Variants in PHLPP1 observed in about 807,000 individuals in gnomAD.
PHLPP1 encodes PH domain leucine-rich repeat-containing protein phosphatase 1.
In PHLPP1, 42 loss-of-function variants were observed where a neutral mutation model predicts 117.2. The ratio of observed to expected loss-of-function variants is 0.36; its 90% CI spans 0.28 to 0.46. The LOEUF (loss-of-function observed/expected upper bound fraction) is 0.46, where lower values mean the gene tolerates loss of function less well. PHLPP1 is among the 20% of genes least tolerant of loss of function. The pLI is 1.00. For synonymous variants in PHLPP1, 1,042 were observed against 970.7 expected, an observed-to-expected ratio of 1.07 and a Z score of -1.37; for missense variants, 2,084 against 2,241.9, an observed-to-expected ratio of 0.93 and a Z score of 1.42.
intron 1 of PHLPP1, among the ~76,000 whole-genome samples, chr18:62,803,518 T>C (rs937069040): frequency 6.6e-6 from 1 of 152,244 alleles, no homozygotes; most frequent in Non-Finnish European, 1.5e-5. Context: ...TCAGCCATCA[T>C]TTTGCATGTA....
At chr18:62,743,304 T>A (rs1470291642) in intron 1 of PHLPP1, among the ~76,000 whole-genome samples, 1 of 152,024 alleles carries the variant, frequency 6.6e-6, no homozygotes, top group Non-Finnish European at 1.5e-5. Flanking sequence ...TTTTTTTTTT[T>A]AGAATTTTTT....
At chr18:62,914,521 C>T (rs187716977) in intron 8 of PHLPP1, among the ~76,000 whole-genome samples, 24 of 152,278 alleles carry the variant, frequency 1.6e-4, no homozygotes, top group Admixed American at 6.5e-4. Context: ...TTGTAAACCT[C>T]GAACTCCTCT....
chr18:62,925,991 A>T (rs1448244809), intron 10 of PHLPP1, among the ~76,000 whole-genome samples: 1 of 152,218 alleles, frequency 6.6e-6, no homozygotes. Context: ...TAAAAGAAGG[A>T]TTTTAATGGA....
rs563439637 is a variant in PHLPP1, at chr18:62,895,672, A to C, written c.2214-109A>C. On this transcript the variant is annotated intron_variant, in intron 5 of 16. Coordinates refer to ENST00000262719, the MANE Select transcript of PHLPP1 (RefSeq NM_194449.4). The stretch of plus-strand genomic sequence containing the variant: ...CCCTGCCCTTAGGCATTTTGCGAAG[A>C]ATAATACATTTTCTGGTAATACGGT... The C allele has an allele frequency of 2.9e-5, 21 of 730,512 alleles. 1 individual carries two copies. The highest frequency in any genetic ancestry group is 3.5e-4 in the Middle Eastern group (1 of 2,830). 45.3% of individuals were successfully genotyped at this position (730,512 alleles called of 1,614,324 possible).
intron 3 of PHLPP1, among the ~76,000 whole-genome samples, chr18:62,845,588 T>A (rs964413323): frequency 6.6e-6 from 1 of 152,130 alleles, no homozygotes; most frequent in Admixed American, 6.5e-5. Flanking sequence ...AAGATTGAGG[T>A]TTCCAACATA....
chr18:62,766,076 A>AAAAAAAAAAAATATATATATATATAT, intron 1 of PHLPP1, among the ~76,000 whole-genome samples: 1 of 21,648 alleles, frequency 4.6e-5, no homozygotes, highest in African/African-American at 1.5e-4. Flanking sequence ...AAAAAAAAAA[A>AAAAAAAAAAAATATATATATATATAT]ATATATATAT....
At position 62,940,354 on chromosome 18, in the gene PHLPP1, C is replaced by CTTTTTTTTTTTTTT. The variant is rs66530466; in HGVS notation, c.2961-1349_2961-1336dup. On this transcript the variant is annotated intron_variant, in intron 10 of 16. Transcript: ENST00000262719. ...ATCCACGTTTCTTTTTCTTTCTTTT[C>CTTTTTTTTTTTTTT]TTTTTTTTTTTTTTTTTTTTTTTTT... Among the ~76,000 whole-genome samples the CTTTTTTTTTTTTTT allele has an allele frequency of 2.6e-3, 124 of 46,834 alleles. 7 individuals are homozygous for CTTTTTTTTTTTTTT. The highest frequency in any genetic ancestry group is 0.022 in the Middle Eastern group (1 of 46). The allele number at this position is 46,834 out of a possible 152,430, so 30.7% of individuals were successfully genotyped here. A position where few individuals can be genotyped will look rare whatever the true frequency, so the allele number is the denominator to read the frequency against.
intron 13 of PHLPP1, among the ~76,000 whole-genome samples, chr18:62,962,829 A>G (rs2144481332): frequency 6.7e-6 from 1 of 150,172 alleles, no homozygotes; most frequent in East Asian, 2.0e-4. Flanking sequence ...ATACTTGGCT[A>G]TACCCGTGAG....
intron 4 of PHLPP1, among the ~76,000 whole-genome samples, chr18:62,888,430 G>A (rs1345795393): frequency 6.6e-6 from 1 of 151,760 alleles, no homozygotes; most frequent in East Asian, 1.9e-4. Context: ...GCCAAGCGTG[G>A]TCACTCACAC....
At chr18:62,967,128 C>T (rs912377034) in intron 14 of PHLPP1, among the ~76,000 whole-genome samples, 2 of 152,222 alleles carry the variant, frequency 1.3e-5, no homozygotes, top group Middle Eastern at 3.4e-3. Flanking sequence ...TTTTGTTTTA[C>T]CCGTTCACCA....
At chr18:62,725,630 T>TA (rs940401679) in intron 1 of PHLPP1, among the ~76,000 whole-genome samples, 6 of 151,828 alleles carry the variant, frequency 4.0e-5, no homozygotes, top group African/African-American at 1.5e-4. Context: ...TTCTGTCTCT[T>TA]AAAAAAAGAG....
chr18:62,935,316 A>G (rs1286612685), intron 10 of PHLPP1, among the ~76,000 whole-genome samples: 1 of 152,248 alleles, frequency 6.6e-6, no homozygotes, highest in East Asian at 1.9e-4. Context: ...AAGAATAAAT[A>G]AGAAATGTGC....
intron 4 of PHLPP1, among the ~76,000 whole-genome samples, chr18:62,872,020 TG>T (rs768380631): frequency 6.6e-6 from 1 of 152,154 alleles, no homozygotes; most frequent in Non-Finnish European, 1.5e-5. Flanking sequence ...ACCTAGAGTT[TG>T]TAAATATAGA....
chr18:62,973,426 A>G (rs893311727), intron 15 of PHLPP1, among the ~76,000 whole-genome samples: 3 of 152,184 alleles, frequency 2.0e-5, no homozygotes, highest in African/African-American at 7.2e-5. Flanking sequence ...GTCTATAAGT[A>G]TTGTGCTGCA....
chr18:62,836,741 TAA>T (rs547024910), intron 2 of PHLPP1, among the ~76,000 whole-genome samples: 17 of 139,230 alleles, frequency 1.2e-4, no homozygotes, highest in Middle Eastern at 3.6e-3. Flanking sequence ...TTTGAGACAT[TAA>T]AAAAAAAAAA....
chr18:62,944,991 CTT>C (rs1204981960), intron 11 of PHLPP1, 116 bp from the exon 12 acceptor site: 1 of 740,660 alleles, frequency 1.4e-6, no homozygotes, highest in African/African-American at 1.8e-5. Context: ...AAAAAATGGT[CTT>C]GTTTGTAAAA....
chr18:62,736,317 A>T (rs1377744887), intron 1 of PHLPP1, among the ~76,000 whole-genome samples: 1 of 152,300 alleles, frequency 6.6e-6, no homozygotes, highest in African/African-American at 2.4e-5. Flanking sequence ...TTTCATCTGC[A>T]TGGTGGGAGT....
intron 9 of PHLPP1, among the ~76,000 whole-genome samples, 195 bp from the exon 10 acceptor site, chr18:62,919,764 A>G (rs190972507): frequency 1.1e-4 from 17 of 152,332 alleles, no homozygotes; most frequent in Admixed American, 3.9e-4. Context: ...TCTTTGCTCA[A>G]TATTTGTTTA....
intron 1 of PHLPP1, among the ~76,000 whole-genome samples, chr18:62,775,618 A>T (rs1476743586): frequency 6.6e-6 from 1 of 152,212 alleles, no homozygotes; most frequent in Non-Finnish European, 1.5e-5. Context: ...CCACTTCAGC[A>T]CGTATTCTTC....
Sources: allele counts gnomAD v4.1 joint callset (sites outside exome capture counted in the v4.1 genomes callset), GRCh38; gene constraint gnomAD v4.1.1; transcripts MANE v1.5; gene names NCBI Gene and HGNC (gene_info 2026-07-23, HGNC 2026-07-21).